HSPG2: variants seen among roughly 807,000 people sequenced by gnomAD.
HSPG2 encodes basement membrane-specific heparan sulfate proteoglycan core protein.
A neutral mutation model predicts 526.6 loss-of-function variants in HSPG2; 278 were observed. The ratio of observed to expected loss-of-function variants is 0.53; its 90% CI spans 0.48 to 0.58. The LOEUF (loss-of-function observed/expected upper bound fraction) is 0.58, where lower values mean the gene tolerates loss of function less well. Among genes scored for constraint, HSPG2 ranks in the 20% least tolerant of loss-of-function variants. The probability of loss-of-function intolerance (pLI) is 0.00; values close to 1 mark genes in which losing one functional copy is unlikely to be tolerated. For synonymous variants in HSPG2, 2,465 were observed against 2,555.4 expected (o/e 0.96, Z 1.07); for missense variants, 5,354 against 6,099.5 (o/e 0.88, Z 4.07).
In HSPG2 at chr1:21,869,906, A is replaced by G. The variant is rs1223277131; in HGVS notation, c.4221+2280T>C. On this transcript the variant is annotated intron_variant, in intron 33 of 96. Coordinates refer to ENST00000374695, the MANE Select transcript of HSPG2 (RefSeq NM_005529.7). ...CCGTGACTGATGGGAGAAGCCCTACAAAGGGTGCCCAGCAAGGGAGGGGCA... is the reference window on the plus strand; with the variant it reads ...CCGTGACTGATGGGAGAAGCCCTACGAAGGGTGCCCAGCAAGGGAGGGGCA... Among the ~76,000 whole-genome samples the G allele has an allele frequency of 2.0e-5, 3 of 152,182 alleles. No individual in the cohort carries two copies. The South Asian group carries it at 6.2e-4, about 31-fold the overall frequency.
intron 1 of HSPG2, among the ~76,000 whole-genome samples, chr1:21,910,872 G>A (rs1026607539): frequency 2.0e-5 from 3 of 152,108 alleles, no homozygotes; most frequent in South Asian, 4.1e-4. Context: ...CCAAGAGGTC[G>A]GTACCATTAT....
In HSPG2 at chr1:21,850,096, G is replaced by A; in HGVS notation, c.7391C>T (p.Ala2464Val). The change falls in exon 57 of 97, where the codon GCC becomes GTC. Residue 2464 changes from alanine to valine, a missense_variant. Physicochemically the swap from Ala to Val is moderately conservative, Grantham distance 64. Transcript: ENST00000374695. ...CTTGTGCCACGTGACCTGGGCATGG[G>A]CCTGACCAGCAACGAGGCAGTTCAG... is the stretch of plus-strand genomic sequence containing the variant. ...LDLNCLVAGQ[A>V]HAQVTWHKRG... 1 of 1,613,496 alleles carries A rather than the reference G, an allele frequency of 6.2e-7. No homozygotes were observed. The highest frequency in any genetic ancestry group is 8.5e-7 in the Non-Finnish European group (1 of 1,180,024).
chr1:21,905,984 C>T (rs2501254), intron 1 of HSPG2, among the ~76,000 whole-genome samples: 67,445 of 152,102 alleles, frequency 0.44, 16,330 homozygotes, highest in East Asian at 0.64. Flanking sequence ...TACTCCAGTC[C>T]GGATAAAAGA....
intron 1 of HSPG2, among the ~76,000 whole-genome samples, chr1:21,903,222 G>T (rs1003966240): frequency 6.6e-6 from 1 of 152,160 alleles, no homozygotes; most frequent in African/African-American, 2.4e-5. Flanking sequence ...GAGGGGACTA[G>T]GTCACACGGG....
At chr1:21,861,634 GT>G in intron 39 of HSPG2, 122 bp downstream of exon 39, 1 of 917,768 alleles carries the variant, frequency 1.1e-6, no homozygotes, top group Non-Finnish European at 1.7e-6. Flanking sequence ...TCTTAGAAGT[GT>G]TTGAGGCAGG....
rs2152703122 is a variant in HSPG2 at position 21,839,255 on chromosome 1, AC to A, written c.9889+115del. 2.8e-6 allele frequency: 4 copies of A among 1,445,738 alleles called. No individual in the cohort carries two copies. The South Asian group carries it at 4.6e-5, about 17-fold the overall frequency. The allele number at this position is 1,445,738 out of a possible 1,614,324, so 89.6% of individuals were successfully genotyped here. ...GGTGTCGGGCAGGGCAGGCTCCAGG[AC>A]CCTGCAGCGCCTGGAGACCTCTGGA... is the stretch of plus-strand genomic sequence containing the variant. On this transcript the variant is annotated intron_variant, in intron 73 of 96. Coordinates refer to ENST00000374695, the MANE Select transcript of HSPG2 (RefSeq NM_005529.7). This position sits in a 1 kb window ranked among gnomAD's most constrained non-coding sequence, Gnocchi z 4.5.
intron 1 of HSPG2, among the ~76,000 whole-genome samples, chr1:21,921,325 T>A (rs1007227260): frequency 6.6e-6 from 1 of 152,144 alleles, no homozygotes; most frequent in Non-Finnish European, 1.5e-5. Flanking sequence ...GGATTTTCTG[T>A]GCTAGAAGCG....
intron 1 of HSPG2, among the ~76,000 whole-genome samples, chr1:21,929,717 G>A (rs1156563990): frequency 6.6e-6 from 1 of 152,004 alleles, no homozygotes; most frequent in Admixed American, 6.6e-5. Context: ...CCCATCTCAG[G>A]TAGTGGCAGC....
chr1:21,838,931 C>T lies in HSPG2; in HGVS notation c.10044G>A (p.Glu3348=). 6.2e-7 allele frequency: 1 copy of T among 1,612,380 alleles called. No homozygotes were observed. The highest frequency in any genetic ancestry group is 8.5e-7 in the Non-Finnish European group (1 of 1,179,126). Residue 3348 remains glutamate (E), a synonymous_variant, in exon 74 of 97, where the codon GAG becomes GAA. Transcript: ENST00000374695. ...SLPGRATARN[E]LLHFERAAPE... ...GGGCTGCACGCTCAAAGTGCAGCAG[C>T]TCGTTCCTGGCGGTCGCCCTCCCAG...
intron 1 of HSPG2, among the ~76,000 whole-genome samples, chr1:21,910,502 T>C (rs374074292): frequency 5.9e-5 from 9 of 152,240 alleles, no homozygotes; most frequent in African/African-American, 1.9e-4. Context: ...ATCTGCAAAA[T>C]ATGGATGTGA....
intron 1 of HSPG2, among the ~76,000 whole-genome samples, chr1:21,935,146 C>T (rs771226132): frequency 2.6e-5 from 4 of 151,976 alleles, no homozygotes; most frequent in Non-Finnish European, 5.9e-5. Flanking sequence ...ACCTCGTGAT[C>T]CGCCCACCGT....
chr1:21,874,555 T>A, intron 27 of HSPG2, 22 bp from the exon 28 acceptor site: 2 of 1,613,694 alleles, frequency 1.2e-6, no homozygotes, highest in Non-Finnish European at 1.7e-6. Flanking sequence ...GGATGTGAGT[T>A]GAGGCTGGGC....
intron 1 of HSPG2, among the ~76,000 whole-genome samples, chr1:21,903,944 T>C (rs1049499002): frequency 2.6e-5 from 4 of 152,334 alleles, no homozygotes; most frequent in Non-Finnish European, 4.4e-5. Flanking sequence ...GGCCATATTC[T>C]AGCTAGGGGG....
At chr1:21,908,672 G>A (rs554268306) in intron 1 of HSPG2, 6 of 537,714 alleles carry the variant, frequency 1.1e-5, no homozygotes, top group Non-Finnish European at 1.9e-5. Context: ...TAAAATAAGG[G>A]TCTCACTGCT....
chr1:21,836,760 G>A lies in HSPG2; in HGVS notation c.10355+42C>T, dbSNP rs375207059. On this transcript the variant is annotated intron_variant, in intron 75 of 96. Coordinates refer to ENST00000374695, the MANE Select transcript of HSPG2 (RefSeq NM_005529.7). ...TAACTCTGCTCACTGTGAGCCCTGG[G>A]CTATGCTGCCCAAGTCCAGTCCTGC... is the stretch of plus-strand genomic sequence containing the variant. 1.7e-3 allele frequency: 2,485 copies of A among 1,503,258 alleles called. 1 individual carries two copies. Among genetic ancestry groups the A allele is most frequent in the Non-Finnish European group, 1.9e-3 (2,173 of 1,116,528 alleles). The allele number at this position is 1,503,258 out of a possible 1,614,324, so 93.1% of individuals were successfully genotyped here. A position where few individuals can be genotyped will look rare whatever the true frequency, so the allele number is the denominator to read the frequency against.
chr1:21,906,439 G>A (rs112443048), intron 1 of HSPG2, among the ~76,000 whole-genome samples: 10 of 152,304 alleles, frequency 6.6e-5, no homozygotes, highest in African/African-American at 2.2e-4. Context: ...GGCTCCCCCT[G>A]CCCCCAGGCT....
Position 21,831,525 on chromosome 1 carries a change from T to C in HSPG2, c.11390A>G (p.Tyr3797Cys), listed in dbSNP as rs1039714578. Residue 3797 changes from tyrosine (Y) to cysteine (C), a missense_variant, in exon 83 of 97, where the codon TAC (tyrosine) becomes TGC (cysteine). Coordinates refer to ENST00000374695, the MANE Select transcript of HSPG2 (RefSeq NM_005529.7). ...FQGLDLNEEL[Y>C]LGGYPDYGAI... ...ACCATAGTCAGGATAGCCACCCAGG[T>C]AGAGTTCCTCGTTCAGATCCAGGCC... 2.5e-6 allele frequency: 4 copies of C among 1,613,896 alleles called. No individual in the cohort carries two copies. Among genetic ancestry groups the C allele is most frequent in the Non-Finnish European group, 3.4e-6 (4 of 1,179,966 alleles).
At chr1:21,843,547 C>T in intron 65 of HSPG2, 109 bp from the exon 66 acceptor site, 1 of 1,169,544 alleles carries the variant, frequency 8.6e-7, no homozygotes, top group African/African-American at 1.5e-5. Flanking sequence ...TAGGCGCATC[C>T]TGTTGGAGGC....
At chr1:21,842,700 T>A (rs1350732194) in intron 67 of HSPG2, 70 bp downstream of exon 67, 3 of 1,597,110 alleles carry the variant, frequency 1.9e-6, no homozygotes, top group Non-Finnish European at 2.6e-6. Flanking sequence ...TGCATGAGGT[T>A]TGGGTACAGA....
Sources: allele counts gnomAD v4.1 joint callset (sites outside exome capture counted in the v4.1 genomes callset), GRCh38; gene constraint gnomAD v4.1.1; non-coding constraint Gnocchi (gnomAD v3.1); transcripts MANE v1.5; gene names NCBI Gene and HGNC (gene_info 2026-07-23, HGNC 2026-07-21).